The following BRINP1 variants were observed in gnomAD, a reference collection of about 807,000 sequenced individuals.
BRINP1 encodes BMP/retinoic acid-inducible neural-specific protein 1.
In BRINP1, 17 loss-of-function variants were observed where a neutral mutation model predicts 72.9. The observed-to-expected ratio is 0.23, with a 90% confidence interval of 0.16 to 0.35. The LOEUF is 0.35. BRINP1 is among the 10% of genes least tolerant of loss of function. The pLI is 1.00. For missense variants in BRINP1, 850 were observed against 1,001.6 expected (o/e 0.85, Z 2.04); for synonymous variants, 418 against 378.5 (o/e 1.10, Z -1.21).
chr9:119,340,932 G>A lies in BRINP1; in HGVS notation c.-50-27527C>T, dbSNP rs183248670. On this transcript the variant is annotated intron_variant, in intron 1 of 7. Transcript: ENST00000265922. ...CAAAAGGATAAGAATGAAAAGGCTC[G>A]AAGAGGGAGACATGACCCTGGACAC... Among the ~76,000 whole-genome samples, 717 of 152,276 alleles carry A rather than the reference G, an allele frequency of 4.7e-3. 4 individuals carry two copies. Among genetic ancestry groups the A allele is most frequent in the African/African-American group, 0.016 (672 of 41,560 alleles).
At chr9:119,296,963 T>A (rs940635860) in intron 2 of BRINP1, among the ~76,000 whole-genome samples, 51 of 152,280 alleles carry the variant, frequency 3.3e-4, no homozygotes, top group African/African-American at 1.2e-3. Flanking sequence ...TGACTATAGT[T>A]AAAAATGCTA....
At chr9:119,255,108 T>C (rs1389038316) in intron 2 of BRINP1, among the ~76,000 whole-genome samples, 3 of 152,172 alleles carry the variant, frequency 2.0e-5, no homozygotes, top group Non-Finnish European at 4.4e-5. Context: ...AGAAAATACA[T>C]AAAAGAAAGC....
At chr9:119,325,410 C>G (rs997157770) in intron 1 of BRINP1, among the ~76,000 whole-genome samples, 1 of 152,134 alleles carries the variant, frequency 6.6e-6, no homozygotes, top group African/African-American at 2.4e-5. Context: ...CCACCCTATT[C>G]GGCCATTGCC....
At chr9:119,252,574 A>G (rs147435989) in intron 2 of BRINP1, among the ~76,000 whole-genome samples, 2 of 150,662 alleles carry the variant, frequency 1.3e-5, no homozygotes, top group Non-Finnish European at 3.0e-5. Context: ...GTGTGTGTGT[A>G]TCACTTTTAT....
chr9:119,302,017 A>G (rs768123743), intron 2 of BRINP1, among the ~76,000 whole-genome samples: 1 of 152,148 alleles, frequency 6.6e-6, no homozygotes, highest in Non-Finnish European at 1.5e-5. Flanking sequence ...AGAAATCCCT[A>G]TTGTCATTAG....
intron 3 of BRINP1, among the ~76,000 whole-genome samples, chr9:119,247,592 T>G (rs930761350): frequency 2.8e-5 from 4 of 142,042 alleles, no homozygotes; most frequent in African/African-American, 1.0e-4. Flanking sequence ...GAGGCGGAGC[T>G]TGCAGTGAGC....
chr9:119,305,943 C>G lies in BRINP1; in HGVS notation c.218+7195G>C, dbSNP rs890298681. ...GCTGCAGGTGCCCCAGATCACAGAT[C>G]CAGTCTCTCTTTCTTCCTTGGCCAA... is the stretch of plus-strand genomic sequence containing the variant. On this transcript the variant is annotated intron_variant, in intron 2 of 7. Transcript: ENST00000265922. Among the ~76,000 whole-genome samples the G allele has an allele frequency of 5.3e-5, 8 of 152,166 alleles. No homozygotes were observed. In the South Asian group the frequency reaches 1.7e-3, roughly 32 times the overall value.
At chr9:119,302,607 A>G (rs1473543992) in intron 2 of BRINP1, among the ~76,000 whole-genome samples, 1 of 152,178 alleles carries the variant, frequency 6.6e-6, no homozygotes, top group Non-Finnish European at 1.5e-5. Context: ...TAACATGTAC[A>G]GAGCTTCATG....
intron 2 of BRINP1, among the ~76,000 whole-genome samples, chr9:119,260,406 TATAG>T (rs1317205569): frequency 6.6e-6 from 1 of 152,236 alleles, no homozygotes; most frequent in Non-Finnish European, 1.5e-5. Context: ...TCTGACCCTT[TATAG>T]ACAGTTTGCT....
intron 7 of BRINP1, among the ~76,000 whole-genome samples, chr9:119,197,769 A>G (rs1032166596): frequency 6.6e-6 from 1 of 152,220 alleles, no homozygotes; most frequent in African/African-American, 2.4e-5. Flanking sequence ...GTTTATTCCC[A>G]AACCTGTTTA....
chr9:119,216,355 G>C (rs946703772), intron 5 of BRINP1, among the ~76,000 whole-genome samples: 1 of 152,180 alleles, frequency 6.6e-6, no homozygotes, highest in Non-Finnish European at 1.5e-5. Context: ...ACAACGGGCT[G>C]CTGTGAGACT....
chr9:119,283,953 A>T (rs1830736169), intron 2 of BRINP1, among the ~76,000 whole-genome samples: 1 of 152,166 alleles, frequency 6.6e-6, no homozygotes, highest in Admixed American at 6.5e-5. Context: ...GACCACCACC[A>T]GCAGCATCTG....
chr9:119,254,822 T>C (rs1830428670), intron 2 of BRINP1, among the ~76,000 whole-genome samples: 1 of 152,182 alleles, frequency 6.6e-6, no homozygotes, highest in South Asian at 2.1e-4. Flanking sequence ...GTGGATGTGC[T>C]CCAATAAAAC....
chr9:119,317,452 T>A (rs1164232640), intron 1 of BRINP1, among the ~76,000 whole-genome samples: 1 of 151,850 alleles, frequency 6.6e-6, no homozygotes, highest in East Asian at 1.9e-4. Flanking sequence ...GGATGACGAG[T>A]TGCTCCTTAT....
chr9:119,305,878 G>A (rs1051119690), intron 2 of BRINP1, among the ~76,000 whole-genome samples: 1 of 152,196 alleles, frequency 6.6e-6, no homozygotes, highest in East Asian at 1.9e-4. Context: ...ACTAGTAGGA[G>A]TTTAGAGATC....
intron 5 of BRINP1, among the ~76,000 whole-genome samples, chr9:119,228,932 T>C (rs75784137): frequency 0.051 from 7,750 of 152,144 alleles, 653 homozygotes; most frequent in African/African-American, 0.18. Context: ...CTGATGTATA[T>C]TGAATAAAGA....
At chr9:119,310,122 G>A (rs776510708) in intron 2 of BRINP1, among the ~76,000 whole-genome samples, 27 of 152,288 alleles carry the variant, frequency 1.8e-4, no homozygotes, top group Non-Finnish European at 3.4e-4. Flanking sequence ...GGACCTTGGA[G>A]ATGACTTCAG....
chr9:119,361,378 A>G (rs913386157), intron 1 of BRINP1, among the ~76,000 whole-genome samples: 2 of 152,188 alleles, frequency 1.3e-5, no homozygotes, highest in Non-Finnish European at 2.9e-5. Flanking sequence ...CCATGAGGAC[A>G]GTGGGTTTCA....
chr9:119,255,512 C>T (rs74833656), intron 2 of BRINP1, among the ~76,000 whole-genome samples: 495 of 152,224 alleles, frequency 3.3e-3, no homozygotes, highest in African/African-American at 5.4e-3. Context: ...ATTATAAGTC[C>T]GAATCTTTCT....
Sources: allele counts gnomAD v4.1 joint callset (sites outside exome capture counted in the v4.1 genomes callset), GRCh38; gene constraint gnomAD v4.1.1; transcripts MANE v1.5; gene names NCBI Gene and HGNC (gene_info 2026-07-23, HGNC 2026-07-21).